Variants in CNTN6 observed in about 807,000 individuals in gnomAD.
CNTN6 encodes contactin 6.
CNTN6 carries 137 observed loss-of-function variants against 122.8 expected under a neutral mutation model. The ratio of observed to expected loss-of-function variants is 1.12; its 90% CI spans 0.97 to 1.29. CNTN6 has a LOEUF of 1.29. Ranked by LOEUF, CNTN6 falls within the 50% of genes most tolerant of loss-of-function variation. The pLI is 0.00. For synonymous variants in CNTN6, 570 were observed against 426.0 expected (o/e 1.34, Z -4.16); for missense variants, 1,634 against 1,223.4 (o/e 1.34, Z -5.01).
intron 2 of CNTN6, among the ~76,000 whole-genome samples, chr3:1,205,176 A>G (rs1285665554): frequency 6.6e-6 from 1 of 152,122 alleles, no homozygotes; most frequent in Non-Finnish European, 1.5e-5. Flanking sequence ...CAGTCTCTAG[A>G]AGTCGTATAA....
At chr3:1,233,997 CA>C (rs1298381098) in intron 4 of CNTN6, among the ~76,000 whole-genome samples, 2 of 151,990 alleles carry the variant, frequency 1.3e-5, no homozygotes, top group African/African-American at 2.4e-5. Context: ...TAGGCATTTA[CA>C]ATCATCATAG....
intron 5 of CNTN6, among the ~76,000 whole-genome samples, chr3:1,289,221 C>A (rs1423358294): frequency 2.6e-5 from 4 of 151,920 alleles, no homozygotes; most frequent in Non-Finnish European, 4.4e-5. Context: ...AGATTAAGCA[C>A]AGCAGTGGCT....
intron 4 of CNTN6, among the ~76,000 whole-genome samples, chr3:1,271,652 AAGGATTCAG>A (rs2095029467): frequency 6.6e-6 from 1 of 152,166 alleles, no homozygotes; most frequent in Non-Finnish European, 1.5e-5. Flanking sequence ...AGGTACAAAT[AAGGATTCAG>A]AGGATTCAGG....
intron 20 of CNTN6, among the ~76,000 whole-genome samples, chr3:1,386,395 C>A (rs766297102): frequency 6.6e-6 from 1 of 152,158 alleles, no homozygotes; most frequent in Non-Finnish European, 1.5e-5. Flanking sequence ...AGAATGAACT[C>A]TTCTGTTTTG....
At chr3:1,204,179 A>G (rs2093925330) in intron 2 of CNTN6, among the ~76,000 whole-genome samples, 1 of 152,210 alleles carries the variant, frequency 6.6e-6, no homozygotes, top group African/African-American at 2.4e-5. Context: ...AGCCAATGAC[A>G]TTTCAGAGAG....
At chr3:1,214,223 C>A (rs1377391571) in intron 2 of CNTN6, among the ~76,000 whole-genome samples, 1 of 147,650 alleles carries the variant, frequency 6.8e-6, no homozygotes, top group Non-Finnish European at 1.5e-5. Flanking sequence ...TAAGAATAAT[C>A]ATCTGTTATT....
chr3:1,277,895 C>T (rs1225215968), intron 4 of CNTN6, among the ~76,000 whole-genome samples: 1 of 152,128 alleles, frequency 6.6e-6, no homozygotes, highest in African/African-American at 2.4e-5. Flanking sequence ...AGATCATGAG[C>T]CTGCTTTGTA....
intron 7 of CNTN6, among the ~76,000 whole-genome samples, chr3:1,300,483 GGAAGGAAGGA>G (rs1265656734): frequency 3.0e-4 from 29 of 96,988 alleles, no homozygotes; most frequent in African/African-American, 1.6e-3. Flanking sequence ...AAGGAAGGAA[GGAAGGAAGGA>G]AAAAGAAAAG....
At chr3:1,224,611 A>G (rs1458317561) in intron 3 of CNTN6, among the ~76,000 whole-genome samples, 2 of 152,180 alleles carry the variant, frequency 1.3e-5, no homozygotes, top group African/African-American at 2.4e-5. Context: ...TTCAGCAAAT[A>G]TACCATGTAA....
rs570992990 is a variant in CNTN6 at position 1,148,203 on chromosome 3, T to G, written c.55+140T>G. The G allele has an allele frequency of 1.6e-5, 10 of 622,642 alleles. No individual in the cohort carries two copies. In the East Asian group the frequency reaches 2.8e-4, roughly 18 times the overall value. The allele number at this position is 622,642 out of a possible 1,614,324, so 38.6% of individuals were successfully genotyped here. The stretch of plus-strand genomic sequence containing the variant: ...GTGATAATGTTTTGAAGGTAACTTC[T>G]ATGACTCAGACAGGGAAAGTTTAAT... On this transcript the variant is annotated intron_variant, in intron 2 of 22. Coordinates refer to ENST00000446702, the MANE Select transcript of CNTN6 (RefSeq NM_001289080.2).
chr3:1,263,226 C>G (rs1419543025), intron 4 of CNTN6, among the ~76,000 whole-genome samples: 1 of 152,174 alleles, frequency 6.6e-6, no homozygotes, highest in Non-Finnish European at 1.5e-5. Flanking sequence ...TGTCTCACAG[C>G]TTATAAATCC....
intron 4 of CNTN6, among the ~76,000 whole-genome samples, chr3:1,237,812 T>C (rs1001858571): frequency 6.6e-6 from 1 of 152,076 alleles, no homozygotes; most frequent in Non-Finnish European, 1.5e-5. Context: ...GCTTCATAAA[T>C]GAAGGAAAGA....
intron 20 of CNTN6, among the ~76,000 whole-genome samples, chr3:1,387,150 A>G (rs914940033): frequency 6.6e-6 from 1 of 151,244 alleles, no homozygotes; most frequent in Non-Finnish European, 1.5e-5. Context: ...ACTCCTTCCC[A>G]AATTACCCAT....
intron 19 of CNTN6, among the ~76,000 whole-genome samples, chr3:1,384,999 T>C (rs928189399): frequency 1.3e-5 from 2 of 151,964 alleles, no homozygotes; most frequent in African/African-American, 2.4e-5. Context: ...CTGATGTATT[T>C]TGTCAAATTC....
At chr3:1,379,185 C>T (rs371425554) in intron 17 of CNTN6, among the ~76,000 whole-genome samples, 1 of 151,862 alleles carries the variant, frequency 6.6e-6, no homozygotes, top group African/African-American at 2.4e-5. Flanking sequence ...CATGAATTAC[C>T]AAAGAATACT....
intron 1 of CNTN6, among the ~76,000 whole-genome samples, chr3:1,094,740 T>C (rs1361817845): frequency 6.6e-6 from 1 of 152,030 alleles, no homozygotes; most frequent in Admixed American, 6.6e-5. Flanking sequence ...GTGTGGTATA[T>C]TAAATTGATT....
Position 1,300,411 on chromosome 3 carries a change from T to C in CNTN6, c.761+2420T>C, listed in dbSNP as rs759386871. Reference sequence around the variant, plus strand: ...CCTGTTCTCTCTGTCTCAGGATTGATGACAGTATAAGAGAGAAAGGAGCAA... The same window carrying C: ...CCTGTTCTCTCTGTCTCAGGATTGACGACAGTATAAGAGAGAAAGGAGCAA... On this transcript the variant is annotated intron_variant, in intron 7 of 22. Coordinates refer to ENST00000446702, the MANE Select transcript of CNTN6 (RefSeq NM_001289080.2). 4.8e-5 allele frequency among the ~76,000 whole-genome samples: 7 copies of C among 145,782 alleles called. No homozygotes were observed. The South Asian group carries it at 1.5e-3, about 31-fold the overall frequency.
chr3:1,177,109 T>C (rs916560070), intron 2 of CNTN6, among the ~76,000 whole-genome samples: 2 of 152,184 alleles, frequency 1.3e-5, no homozygotes, highest in Non-Finnish European at 2.9e-5. Flanking sequence ...TGGGAACCCT[T>C]CTCCATGGCC....
Position 1,401,459 on chromosome 3 carries a change from G to A in CNTN6, c.2731G>A (p.Ala911Thr). 1 of 1,611,826 alleles carries A rather than the reference G, an allele frequency of 6.2e-7. No homozygotes were observed. The highest frequency in any genetic ancestry group is 8.5e-7 in the Non-Finnish European group (1 of 1,178,564). Reference sequence around the variant, plus strand: ...TCCAAGCCAACCACCAGCAAACATTGCCTGGAAGCTGACAAACTCTAAATT... The same window carrying A: ...TCCAAGCCAACCACCAGCAAACATTACCTGGAAGCTGACAAACTCTAAATT... ...SPPSQPPANI[A>T]WKLTNSKLCL... The change falls in exon 21 of 23, where the codon GCC becomes ACC. Residue 911 changes from alanine (A) to threonine (T), a missense_variant. Physicochemically the swap from Ala to Thr is moderately conservative, Grantham distance 58. Coordinates refer to ENST00000446702, the MANE Select transcript of CNTN6 (RefSeq NM_001289080.2).
Sources: gnomAD v4.1 joint callset for allele counts (sites outside exome capture counted in the v4.1 genomes callset) on GRCh38, gnomAD v4.1.1 for gene constraint, MANE v1.5 for transcripts, NCBI Gene and HGNC (gene_info 2026-07-23, HGNC 2026-07-21) for gene names.